The following TMTC4 variants were observed in gnomAD, a reference collection of about 807,000 sequenced individuals.
TMTC4 encodes protein O-mannosyl-transferase TMTC4.
In TMTC4, 65 loss-of-function variants were observed where a neutral mutation model predicts 86.0. The ratio of observed to expected loss-of-function variants is 0.76; its 90% CI spans 0.62 to 0.93. The LOEUF (loss-of-function observed/expected upper bound fraction) is 0.93. Among genes scored for constraint, TMTC4 ranks in the 40% least tolerant of loss-of-function variants. The probability of loss-of-function intolerance (pLI) is 0.00; values close to 1 mark genes in which losing one functional copy is unlikely to be tolerated. For synonymous variants in TMTC4, 379 were observed against 382.5 expected (o/e 0.99, Z 0.11); for missense variants, 866 against 948.1 (o/e 0.91, Z 1.14).
At chr13:100,655,276 G>A (rs1884961155) in intron 6 of TMTC4, among the ~76,000 whole-genome samples, 3 of 152,142 alleles carry the variant, frequency 2.0e-5, no homozygotes, top group Non-Finnish European at 1.5e-5. Context: ...GCTCACCTCA[G>A]CCTCCCAAAG....
rs1157292863 is a variant in TMTC4 at position 100,664,552 on chromosome 13, T to C, written c.220-216A>G. Among the ~76,000 whole-genome samples, 3 of 152,284 alleles carry C rather than the reference T, an allele frequency of 2.0e-5. No homozygotes were observed. The East Asian group carries it at 5.8e-4, about 29-fold the overall frequency. ...CCCTCCTGGGACATAGCTGATATGC[T>C]GAAGGGGCTGTTGCAGACCCTGGCT... On this transcript the variant is annotated intron_variant, in intron 3 of 18. Coordinates refer to ENST00000342624, the MANE Select transcript of TMTC4 (RefSeq NM_032813.5).
At chr13:100,640,236 C>T (rs1407870470) in intron 7 of TMTC4, among the ~76,000 whole-genome samples, 1 of 151,960 alleles carries the variant, frequency 6.6e-6, no homozygotes, top group Non-Finnish European at 1.5e-5. Flanking sequence ...TTGAGAGGTC[C>T]CACTGGCATC....
chr13:100,653,738 G>A (rs1884729163), intron 6 of TMTC4, among the ~76,000 whole-genome samples: 2 of 152,104 alleles, frequency 1.3e-5, no homozygotes, highest in Admixed American at 6.5e-5. Context: ...ACTGCAGCTC[G>A]AGGATGGGTG....
At chr13:100,642,601 G>A (rs1883170703) in intron 6 of TMTC4, among the ~76,000 whole-genome samples, 1 of 152,138 alleles carries the variant, frequency 6.6e-6, no homozygotes, top group Non-Finnish European at 1.5e-5. Context: ...CACGCAGCAG[G>A]TACCTTCTTC....
At chr13:100,622,336 T>C (rs1299237881) in intron 15 of TMTC4, among the ~76,000 whole-genome samples, 1 of 152,166 alleles carries the variant, frequency 6.6e-6, no homozygotes, top group Non-Finnish European at 1.5e-5. Flanking sequence ...CTGTGGCATA[T>C]CATAACTGAA....
chr13:100,625,487 AAAAT>A (rs768706440), intron 15 of TMTC4, 44 bp downstream of exon 15: 1 of 1,607,146 alleles, frequency 6.2e-7, no homozygotes, highest in South Asian at 1.1e-5. Context: ...ATAAATAAGA[AAAAT>A]AACCCATCTT....
rs1193539274 is a variant in TMTC4 at position 100,663,023 on chromosome 13, G to A, written c.493C>T (p.Pro165Ser). The A allele has an allele frequency of 6.2e-7, 1 of 1,614,204 alleles. No homozygotes were observed. Among genetic ancestry groups the A allele is most frequent in the Non-Finnish European group, 8.5e-7 (1 of 1,180,034 alleles). ...TSKGRRLHLA[P>S]RASLLAALLF... ...AGCGCGGCCAGCAGGGACGCCCTGG[G>A]GGCGAGGTGCAGCCTCCGGCCTTTA... Residue 165 changes from proline to serine, a missense_variant, in exon 5 of 19, where the codon CCC becomes TCC. Coordinates refer to ENST00000342624, the MANE Select transcript of TMTC4 (RefSeq NM_032813.5).
intron 17 of TMTC4, among the ~76,000 whole-genome samples, chr13:100,607,802 T>C (rs1039657250): frequency 6.6e-6 from 1 of 152,104 alleles, no homozygotes; most frequent in Non-Finnish European, 1.5e-5. Flanking sequence ...AGAAATGTCA[T>C]CCAAGAGGGA....
In TMTC4 at chr13:100,620,863, CTT is replaced by C. The variant is rs536115506; in HGVS notation, c.1836+4670_1836+4671del. On this transcript the variant is annotated intron_variant, in intron 15 of 18. Coordinates refer to ENST00000342624, the MANE Select transcript of TMTC4 (RefSeq NM_032813.5). ...AACAAACAAACAAACAAAAAACCCT[CTT>C]AAGCTATTAAGTTCTTATTTGCCAG... 4.6e-5 allele frequency among the ~76,000 whole-genome samples: 7 copies of C among 152,174 alleles called. No individual in the cohort carries two copies. In the East Asian group the frequency reaches 1.4e-3, roughly 29 times the overall value.
At chr13:100,644,118 CTTTTT>C (rs1883399061) in intron 6 of TMTC4, among the ~76,000 whole-genome samples, 1 of 68,228 alleles carries the variant, frequency 1.5e-5, no homozygotes, top group South Asian at 5.1e-4. Flanking sequence ...TTTTTTTTTT[CTTTTT>C]GAGACAGAGT....
At position 100,605,093 on chromosome 13, in the gene TMTC4, A is replaced by G. The variant is rs2153019984; in HGVS notation, c.2184T>C (p.Tyr728=). ...TGGGGTCAAGCTGCAAGGAGATTTC[A>G]TAGTGTTTCTTGGCCAAGTCTAGAT... The part of the protein sequence containing the change: ...WGHLDLAKKH[Y]EISLQLDPTA... Residue 728 remains tyrosine (Y), a synonymous_variant, in exon 19 of 19, where the codon TAT becomes TAC. Coordinates refer to ENST00000342624, the MANE Select transcript of TMTC4 (RefSeq NM_032813.5). The surrounding 1 kb of genome is among the most constrained non-coding windows in gnomAD (Gnocchi z 4.3). 1.2e-6 allele frequency: 2 copies of G among 1,614,030 alleles called. No individual in the cohort carries two copies. Among genetic ancestry groups the G allele is most frequent in the Non-Finnish European group, 1.7e-6 (2 of 1,179,998 alleles).
chr13:100,653,224 C>T (rs368850607), intron 6 of TMTC4, among the ~76,000 whole-genome samples: 1 of 152,262 alleles, frequency 6.6e-6, no homozygotes, highest in Admixed American at 6.5e-5. Flanking sequence ...TTCTATTCTT[C>T]GCATGTTTAA....
rs186569864 is a variant in TMTC4 at position 100,659,637 on chromosome 13, C to A, written c.553-3169G>T. ...GCAGACCAGGGGCTGTGTGGCCCTC[C>A]CAGGCTCTCCTCCTTGCAGTAGGGA... On this transcript the variant is annotated intron_variant, in intron 5 of 18. Transcript: ENST00000342624. 1.3e-4 allele frequency among the ~76,000 whole-genome samples: 20 copies of A among 152,066 alleles called. No individual in the cohort carries two copies. In the East Asian group the frequency reaches 3.9e-3, roughly 29 times the overall value.
chr13:100,644,733 C>T (rs1226211564), intron 6 of TMTC4, among the ~76,000 whole-genome samples: 2 of 152,170 alleles, frequency 1.3e-5, no homozygotes, highest in Non-Finnish European at 2.9e-5. Flanking sequence ...ATAGCTGAGG[C>T]ACTTTAAAGC....
At chr13:100,613,018 T>C (rs1877889011) in intron 16 of TMTC4, among the ~76,000 whole-genome samples, 1 of 152,238 alleles carries the variant, frequency 6.6e-6, no homozygotes, top group African/African-American at 2.4e-5. Flanking sequence ...ATGTGATACT[T>C]TGATACATGC....
rs1430665035 is a variant in TMTC4 at position 100,625,540 on chromosome 13, G to A, written c.1831C>T (p.Arg611Cys). 12 of 1,613,658 alleles carry A rather than the reference G, an allele frequency of 7.4e-6. No homozygotes were observed. Among genetic ancestry groups the A allele is most frequent in the South Asian group, 1.1e-5 (1 of 91,086 alleles). ...KYPDCYYNLG[R>C]LYADLNRHVD... ...ACAGGGCACCCCGCGCTTACCAGACGCCCGAGGTTGTAGTAACAGTCTGGG... is the reference window on the plus strand; with the variant it reads ...ACAGGGCACCCCGCGCTTACCAGACACCCGAGGTTGTAGTAACAGTCTGGG... Residue 611 changes from arginine (R) to cysteine (C), a missense_variant, in exon 15 of 19, where the codon CGT becomes TGT. By Grantham distance (180) the Arg-to-Cys change is radical. Transcript: ENST00000342624.
At chr13:100,662,291 A>T (rs1885878013) in intron 5 of TMTC4, among the ~76,000 whole-genome samples, 1 of 146,064 alleles carries the variant, frequency 6.8e-6, no homozygotes, top group South Asian at 2.3e-4. Context: ...GCTCCCCAGC[A>T]GAGTGCAGGC....
chr13:100,608,485 G>T (rs1877015433), intron 17 of TMTC4, among the ~76,000 whole-genome samples: 1 of 152,206 alleles, frequency 6.6e-6, no homozygotes, highest in African/African-American at 2.4e-5. Context: ...AAAAGAAGGG[G>T]TGTCAGGAGG....
intron 6 of TMTC4, among the ~76,000 whole-genome samples, chr13:100,655,342 T>C (rs1295814688): frequency 6.6e-6 from 1 of 152,224 alleles, no homozygotes; most frequent in East Asian, 1.9e-4. Flanking sequence ...TAATTTTAAA[T>C]TTTCTTCAGG....
Sources: allele counts gnomAD v4.1 joint callset (sites outside exome capture counted in the v4.1 genomes callset), GRCh38; gene constraint gnomAD v4.1.1; non-coding constraint Gnocchi (gnomAD v3.1); transcripts MANE v1.5; gene names NCBI Gene and HGNC (gene_info 2026-07-23, HGNC 2026-07-21).